Variants in TRPC5 observed in about 807,000 individuals in gnomAD.
TRPC5 encodes transient receptor potential cation channel subfamily C member 5.
TRPC5 carries 9 observed loss-of-function variants against 56.5 expected under a neutral mutation model. The observed-to-expected ratio is 0.16, with a 90% confidence interval of 0.10 to 0.28. TRPC5 has a LOEUF of 0.28. Ranked by LOEUF, TRPC5 falls within the 10% of genes least tolerant of loss-of-function variation. The pLI, the probability that TRPC5 is intolerant of heterozygous loss-of-function variation, is 1.00. For synonymous variants in TRPC5, 282 were observed against 278.5 expected (o/e 1.01, Z -0.13); for missense variants, 469 against 748.9 (o/e 0.63, Z 4.36).
At chrX:111,822,447 C>T (rs1922063135) in intron 7 of TRPC5, among the ~76,000 whole-genome samples, 1 of 112,221 alleles carries the variant, frequency 8.9e-6, no homozygotes, top group African/African-American at 3.2e-5. Context: ...CTAATATATG[C>T]TTTTTTCTTG....
intron 3 of TRPC5, among the ~76,000 whole-genome samples, chrX:111,907,366 C>T (rs1268974485): frequency 1.8e-5 from 2 of 111,191 alleles, no homozygotes; most frequent in Non-Finnish European, 3.8e-5. Flanking sequence ...GTGGCTCATC[C>T]CTATAATCCA....
At chrX:111,974,421 C>A (rs1262546431) in intron 1 of TRPC5, among the ~76,000 whole-genome samples, 1 of 110,952 alleles carries the variant, frequency 9.0e-6, no homozygotes, top group Non-Finnish European at 1.9e-5. Flanking sequence ...ATCTGTTCCC[C>A]CATAAAAGCA....
intron 1 of TRPC5, among the ~76,000 whole-genome samples, chrX:111,967,953 C>G (rs59771230): frequency 1.8e-5 from 2 of 109,189 alleles, no homozygotes; most frequent in Admixed American, 1.9e-4. Context: ...CAATGGCAAC[C>G]AAAGCCAAAA....
chrX:111,791,072 C>T (rs1946017456), intron 7 of TRPC5, among the ~76,000 whole-genome samples: 1 of 100,642 alleles, frequency 9.9e-6, no homozygotes, highest in South Asian at 5.0e-4. Flanking sequence ...CCTCTCACCT[C>T]CTCAGGGAAC....
intron 4 of TRPC5, among the ~76,000 whole-genome samples, 182 bp downstream of exon 4, chrX:111,853,588 T>C (rs1013093827): frequency 8.9e-6 from 1 of 111,827 alleles, no homozygotes; most frequent in Non-Finnish European, 1.9e-5. Flanking sequence ...AATCTCACCA[T>C]GGACCAGTGC....
chrX:111,788,173 T>A (rs182211930), intron 7 of TRPC5, among the ~76,000 whole-genome samples: 1 of 111,967 alleles, frequency 8.9e-6, no homozygotes, highest in Admixed American at 9.5e-5. Flanking sequence ...AATGAAATAC[T>A]GGCAAACCGA....
chrX:111,876,120 C>T (rs748407227), intron 3 of TRPC5: 1 of 110,488 alleles, frequency 9.1e-6, no homozygotes, highest in South Asian at 3.9e-4. Flanking sequence ...GAGGTGGGAG[C>T]TATCTCTTAA....
chrX:112,069,626 CT>C (rs1930667482), intron 1 of TRPC5, among the ~76,000 whole-genome samples: 1 of 112,238 alleles, frequency 8.9e-6, no homozygotes, highest in Non-Finnish European at 1.9e-5. Flanking sequence ...CCATTTCTTC[CT>C]TGCCATCTCA....
intron 1 of TRPC5, among the ~76,000 whole-genome samples, chrX:111,976,235 C>T (rs957393912): frequency 3.6e-5 from 4 of 110,938 alleles, no homozygotes; most frequent in African/African-American, 1.3e-4. Context: ...CTAGCTTGGG[C>T]AATGTGGCAA....
intron 3 of TRPC5, among the ~76,000 whole-genome samples, chrX:111,856,764 C>T (rs1243471903): frequency 2.0e-5 from 2 of 97,837 alleles, no homozygotes; most frequent in African/African-American, 7.7e-5. Context: ...TGCAGTGAGC[C>T]GAGATTGCAT....
At chrX:111,905,914 C>CAAAAAAAAAAAAAAAAAAAAAAAAA (rs1202912083) in intron 3 of TRPC5, among the ~76,000 whole-genome samples, 1 of 37,018 alleles carries the variant, frequency 2.7e-5, no homozygotes, top group African/African-American at 1.2e-4. Context: ...GTCTCTGTCT[C>CAAAAAAAAAAAAAAAAAAAAAAAAA]AAAAAAAAAA....
intron 3 of TRPC5, among the ~76,000 whole-genome samples, chrX:111,897,971 A>G (rs764942603): frequency 4.5e-5 from 5 of 110,703 alleles, no homozygotes; most frequent in Non-Finnish European, 9.5e-5. Flanking sequence ...CAAAAACATA[A>G]TATGATTTTA....
intron 3 of TRPC5, among the ~76,000 whole-genome samples, chrX:111,857,496 G>A (rs1003776444): frequency 8.9e-6 from 1 of 112,446 alleles, no homozygotes; most frequent in Admixed American, 9.4e-5. Context: ...GGAAGTGCAT[G>A]CCTTTTTAAG....
chrX:111,905,847 G>T (rs1439835250), intron 3 of TRPC5, among the ~76,000 whole-genome samples: 1 of 104,613 alleles, frequency 9.6e-6, no homozygotes, highest in East Asian at 3.0e-4. Context: ...CCTGGGAGGC[G>T]GAGCTTGCAG....
chrX:111,843,892 GTGT>G (rs1922837369), intron 6 of TRPC5, among the ~76,000 whole-genome samples: 1 of 103,401 alleles, frequency 9.7e-6, no homozygotes. Context: ...GTGTGTGTGT[GTGT>G]GTGTGTGTGT....
chrX:111,994,169 C>G lies in TRPC5; in HGVS notation c.-21-41728G>C, dbSNP rs540021319. The stretch of plus-strand genomic sequence containing the variant: ...ATTTATTAAATAGGGAATCCTTTCC[C>G]CATTTCTTGTTTTTGTCAGGTTTGT... On this transcript the variant is annotated intron_variant, in intron 1 of 10. Transcript: ENST00000262839. Among the ~76,000 whole-genome samples the G allele has an allele frequency of 1.8e-3, 200 of 111,675 alleles. 1 individual carries two copies. The highest frequency in any genetic ancestry group is 3.0e-3 in the Non-Finnish European group (159 of 53,089).
chrX:112,077,869 A>T (rs548832401), intron 1 of TRPC5, among the ~76,000 whole-genome samples: 1 of 110,373 alleles, frequency 9.1e-6, no homozygotes, highest in Non-Finnish European at 1.9e-5. Context: ...TATCTTTTCT[A>T]TTTTCTTTGT....
At chrX:111,969,376 A>G (rs1355420209) in intron 1 of TRPC5, among the ~76,000 whole-genome samples, 1 of 112,020 alleles carries the variant, frequency 8.9e-6, no homozygotes, top group African/African-American at 3.2e-5. Flanking sequence ...CTAGAACTGA[A>G]CCCTCAATAC....
At chrX:111,790,151 A>T (rs1051856994) in intron 7 of TRPC5, among the ~76,000 whole-genome samples, 1 of 112,057 alleles carries the variant, frequency 8.9e-6, no homozygotes, top group Admixed American at 9.5e-5. Context: ...AAAGACTTGG[A>T]ACCAACCCAA....
Sources: gnomAD v4.1 joint callset for allele counts (sites outside exome capture counted in the v4.1 genomes callset) on GRCh38, gnomAD v4.1.1 for gene constraint, MANE v1.5 for transcripts, NCBI Gene and HGNC (gene_info 2026-07-23, HGNC 2026-07-21) for gene names.